The following MMRN1 variants were observed in gnomAD, a reference collection of about 807,000 sequenced individuals.
MMRN1 encodes multimerin-1.
MMRN1 carries 94 observed loss-of-function variants against 100.7 expected under a neutral mutation model. That is an observed-to-expected ratio of 0.93 (90% CI 0.79 to 1.11). The LOEUF is 1.11. Among genes scored for constraint, MMRN1 ranks in the 50% least tolerant of loss-of-function variants. The pLI is 0.00. For synonymous variants in MMRN1, 575 were observed against 505.0 expected (o/e 1.14, Z -1.86); for missense variants, 1,606 against 1,439.1 (o/e 1.12, Z -1.88).
chr4:89,885,653 A>G lies in MMRN1; in HGVS notation c.-249+6051A>G, dbSNP rs532298081. On this transcript the variant is annotated intron_variant, in intron 1 of 8. Coordinates refer to the MMRN1 transcript ENST00000394980. ...GTTTTTAAAGGAATATTTTCATTTC[A>G]TTTAAGTTGCCAGATATATTGGCAT... is the stretch of plus-strand genomic sequence containing the variant. Among the ~76,000 whole-genome samples the G allele has an allele frequency of 5.9e-5, 9 of 152,216 alleles. No individual in the cohort carries two copies. In the South Asian group the frequency reaches 1.7e-3, roughly 28 times the overall value.
At chr4:89,913,931 T>C (rs1482924619) in intron 3 of MMRN1, among the ~76,000 whole-genome samples, 1 of 151,416 alleles carries the variant, frequency 6.6e-6, no homozygotes, top group Non-Finnish European at 1.5e-5. Context: ...CCAATTCTAA[T>C]ATAGCTTTGA....
chr4:89,915,638 C>T (rs1721888086), intron 3 of MMRN1, among the ~76,000 whole-genome samples: 1 of 151,518 alleles, frequency 6.6e-6, no homozygotes, highest in Non-Finnish European at 1.5e-5. Flanking sequence ...GTTGCTCCTA[C>T]TGTAGACACT....
intron 5 of MMRN1, among the ~76,000 whole-genome samples, chr4:89,931,717 A>G (rs915738366): frequency 6.6e-6 from 1 of 152,196 alleles, no homozygotes; most frequent in Admixed American, 6.5e-5. Context: ...TGCCCTTTAT[A>G]AAACCATCAG....
At chr4:89,905,007 A>T (rs1721519427) in intron 1 of MMRN1, among the ~76,000 whole-genome samples, 1 of 151,612 alleles carries the variant, frequency 6.6e-6, no homozygotes, top group African/African-American at 2.4e-5. Context: ...ATATTTTTTA[A>T]AAAGAGAGGG....
intron 2 of MMRN1, among the ~76,000 whole-genome samples, chr4:89,910,335 A>C (rs3775466): frequency 0.1 from 15,313 of 151,426 alleles, 1,528 homozygotes; most frequent in East Asian, 0.3. Context: ...GTAATAAAAA[A>C]TTTACCACAG....
In MMRN1 at chr4:89,922,395, C is replaced by T. The variant is rs553177391; in HGVS notation, c.851-773C>T. Among the ~76,000 whole-genome samples the T allele has an allele frequency of 2.0e-5, 3 of 152,194 alleles. No individual in the cohort carries two copies. In the South Asian group the frequency reaches 6.2e-4, roughly 32 times the overall value. ...TGCTGGGATTACAGGTGTGAGCCAC[C>T]GCACCTGGCCTGTACTCAATATTTT... is the stretch of plus-strand genomic sequence containing the variant. On this transcript the variant is annotated intron_variant, in intron 3 of 7. Coordinates refer to ENST00000264790, the MANE Select transcript of MMRN1 (RefSeq NM_007351.3).
At chr4:89,881,730 G>T (rs2110566727) in intron 1 of MMRN1, among the ~76,000 whole-genome samples, 1 of 151,948 alleles carries the variant, frequency 6.6e-6, no homozygotes, top group African/African-American at 2.4e-5. Context: ...ATTAAGTGCT[G>T]TACACCTGCT....
Position 89,895,275 on chromosome 4 carries a change from T to C in MMRN1, c.304T>C (p.Ser102Pro). ...AEGVRNQTLT[S>P]TEKAEGVVKL... ...GGGTGTGAGAAATCAAACTCTCACATCCACAGAGAAAGCAGAAGGAGTGGT... is the reference window on the plus strand; with the variant it reads ...GGGTGTGAGAAATCAAACTCTCACACCCACAGAGAAAGCAGAAGGAGTGGT... The change falls in exon 1 of 8, where the codon TCC (serine) becomes CCC (proline). Residue 102 changes from serine (S) to proline (P), a missense_variant. By Grantham distance (74) the Ser-to-Pro change is moderately conservative. Coordinates refer to ENST00000264790, the MANE Select transcript of MMRN1 (RefSeq NM_007351.3). The C allele has an allele frequency of 6.2e-7, 1 of 1,613,852 alleles. No homozygotes were observed. Among genetic ancestry groups the C allele is most frequent in the Non-Finnish European group, 8.5e-7 (1 of 1,179,918 alleles).
chr4:89,923,032 T>C (rs925052731), intron 3 of MMRN1, 136 bp from the exon 4 acceptor site: 1 of 693,938 alleles, frequency 1.4e-6, no homozygotes, highest in East Asian at 2.7e-5. Flanking sequence ...CGGAGCAGCT[T>C]ACTCTGCAAT....
intron 7 of MMRN1, among the ~76,000 whole-genome samples, 186 bp from the exon 8 acceptor site, chr4:89,952,811 A>G (rs1723220651): frequency 6.6e-6 from 1 of 152,158 alleles, no homozygotes; most frequent in Non-Finnish European, 1.5e-5. Flanking sequence ...AGGCTAAGCA[A>G]TTTAGAGTAA....
chr4:89,939,618 G>A (rs187329827), intron 6 of MMRN1, among the ~76,000 whole-genome samples: 94 of 152,242 alleles, frequency 6.2e-4, no homozygotes, highest in Middle Eastern at 6.8e-3. Context: ...CAACTAGTAA[G>A]TGATAGAGCT....
chr4:89,906,785 G>T (rs758972116), intron 1 of MMRN1, among the ~76,000 whole-genome samples: 4 of 151,408 alleles, frequency 2.6e-5, no homozygotes, highest in Non-Finnish European at 5.9e-5. Flanking sequence ...GCTGTGGATA[G>T]TTCTTCTAAT....
At chr4:89,927,990 ATATT>A (rs763898217) in intron 5 of MMRN1, 22 bp downstream of exon 5, 1 of 1,500,266 alleles carries the variant, frequency 6.7e-7, no homozygotes, top group Admixed American at 2.1e-5. Flanking sequence ...ATAAAATAAA[ATATT>A]CATTCAGTAA....
intron 4 of MMRN1, 77 bp downstream of exon 4, chr4:89,923,349 C>G (rs1722150440): frequency 7.9e-7 from 1 of 1,272,602 alleles, no homozygotes; most frequent in Non-Finnish European, 1.1e-6. Context: ...AGCAAGAAAT[C>G]TCTTAGTTGT....
At chr4:89,927,734 G>C (rs1458890368) in intron 4 of MMRN1, 61 bp from the exon 5 acceptor site, 14 of 1,496,054 alleles carry the variant, frequency 9.4e-6, no homozygotes, top group African/African-American at 2.8e-5. Flanking sequence ...CATTCAGTAT[G>C]ATACCAACTA....
intron 3 of MMRN1, among the ~76,000 whole-genome samples, chr4:89,912,837 T>C (rs1721797852): frequency 6.6e-6 from 1 of 151,196 alleles, no homozygotes; most frequent in Admixed American, 6.6e-5. Context: ...AAGAAAATTA[T>C]AATACAAAAG....
At chr4:89,909,994 C>T (rs1174960936) in intron 2 of MMRN1, among the ~76,000 whole-genome samples, 2 of 151,298 alleles carry the variant, frequency 1.3e-5, no homozygotes, top group African/African-American at 2.4e-5. Context: ...ATGTAGTCAC[C>T]GTAGCTCAGC....
intron 1 of MMRN1, among the ~76,000 whole-genome samples, chr4:89,896,183 C>A (rs1299058196): frequency 6.6e-6 from 1 of 152,088 alleles, no homozygotes; most frequent in Admixed American, 6.6e-5. Context: ...AAAAATAAAA[C>A]TTTGCAGGGT....
chr4:89,904,072 A>G (rs1294787596), intron 1 of MMRN1, among the ~76,000 whole-genome samples: 1 of 151,572 alleles, frequency 6.6e-6, no homozygotes, highest in Non-Finnish European at 1.5e-5. Flanking sequence ...GACAACTCTG[A>G]TGTTGCCAGA....
Sources: gnomAD v4.1 joint callset for allele counts (sites outside exome capture counted in the v4.1 genomes callset) on GRCh38, gnomAD v4.1.1 for gene constraint, MANE v1.5 for transcripts, NCBI Gene and HGNC (gene_info 2026-07-23, HGNC 2026-07-21) for gene names.